TFPI: variants seen among roughly 807,000 people sequenced by gnomAD.
TFPI encodes the protein anti-convertin.
Under a neutral mutation model 34.6 loss-of-function variants are expected in TFPI, and 15 were observed. That is an observed-to-expected ratio of 0.43 (90% CI 0.29 to 0.67). The LOEUF is 0.67. Among genes scored for constraint, TFPI ranks in the 30% least tolerant of loss-of-function variants. The pLI is 0.15. For synonymous variants in TFPI, 105 were observed against 120.1 expected (o/e 0.87, Z 0.82); for missense variants, 301 against 364.0 (o/e 0.83, Z 1.41).
At chr2:187,518,959 C>T (rs540033910) in intron 1 of TFPI, 21 of 152,228 alleles carry the variant, frequency 1.4e-4, no homozygotes, top group African/African-American at 5.1e-4. Context: ...GTGTATGCTT[C>T]ACGAAGTTCT....
rs542864660 is a variant in TFPI at position 187,494,107 on chromosome 2, C to T, written c.319+2774G>A. ...AGAGAGAGCTTATGCAGAGAAACTC[C>T]TGTTTGTTAAAACCATAAGATCATG... On this transcript the variant is annotated intron_variant, in intron 3 of 7. Coordinates refer to ENST00000233156, the MANE Select transcript of TFPI (RefSeq NM_006287.6). 3.3e-5 allele frequency among the ~76,000 whole-genome samples: 5 copies of T among 152,240 alleles called. No individual in the cohort carries two copies. The East Asian group carries it at 9.7e-4, about 29-fold the overall frequency.
chr2:187,486,457 G>A (rs894039255), intron 4 of TFPI, among the ~76,000 whole-genome samples: 1 of 151,342 alleles, frequency 6.6e-6, no homozygotes, highest in Admixed American at 6.6e-5. Context: ...AATTATACAT[G>A]TACATAAATA....
intron 1 of TFPI, chr2:187,518,524 G>A (rs1277397834): frequency 6.6e-6 from 1 of 152,170 alleles, no homozygotes; most frequent in Admixed American, 6.5e-5. Context: ...AGTCTGATAG[G>A]CTTTGCTTTG....
At chr2:187,531,144 C>T (rs954244879) in intron 1 of TFPI, among the ~76,000 whole-genome samples, 2 of 152,144 alleles carry the variant, frequency 1.3e-5, no homozygotes, top group African/African-American at 4.8e-5. Flanking sequence ...GAGTCAATAC[C>T]TTTACAGACT....
rs1691702751 is a variant in TFPI, at chr2:187,465,938, C to A, written c.*998G>T. On this transcript the variant is annotated 3_prime_UTR_variant, in exon 8 of 8. Coordinates refer to ENST00000233156, the MANE Select transcript of TFPI (RefSeq NM_006287.6). ...CAGGTCTGGATATAGTGAATTAACT[C>A]CAGCAAAATATTAAATCCCCAAGAA... 1 of 152,016 alleles carries A rather than the reference C, an allele frequency of 6.6e-6. No individual in the cohort carries two copies. The highest frequency in any genetic ancestry group is 2.4e-5 in the African/African-American group (1 of 41,380). 9.4% of individuals were successfully genotyped at this position (152,016 alleles called of 1,614,324 possible).
intron 1 of TFPI, among the ~76,000 whole-genome samples, chr2:187,521,727 C>T (rs1046789378): frequency 6.6e-6 from 1 of 151,944 alleles, no homozygotes; most frequent in African/African-American, 2.4e-5. Context: ...TGCCACCATG[C>T]CTGGCTAATT....
At chr2:187,475,940 C>A (rs1358950198) in intron 6 of TFPI, among the ~76,000 whole-genome samples, 3 of 152,164 alleles carry the variant, frequency 2.0e-5, no homozygotes, top group Non-Finnish European at 4.4e-5. Context: ...TCCACAGTTA[C>A]AAACATGAAG....
chr2:187,470,764 A>G (rs1691985867), intron 6 of TFPI, among the ~76,000 whole-genome samples: 1 of 152,156 alleles, frequency 6.6e-6, no homozygotes, highest in Admixed American at 6.6e-5. Flanking sequence ...AACTTCACTA[A>G]ATTATCCAAG....
intron 6 of TFPI, among the ~76,000 whole-genome samples, chr2:187,468,206 G>A (rs1691824523): frequency 6.7e-6 from 1 of 149,694 alleles, no homozygotes; most frequent in Non-Finnish European, 1.5e-5. Flanking sequence ...CAAACTATTT[G>A]TACATAATAA....
intron 1 of TFPI, among the ~76,000 whole-genome samples, chr2:187,541,968 A>G (rs529455996): frequency 5.9e-5 from 9 of 152,180 alleles, no homozygotes; most frequent in Non-Finnish European, 1.3e-4. Context: ...GGATTTAATG[A>G]CAATGGCATC....
chr2:187,522,727 CAAAAAAA>C (rs145948076), intron 1 of TFPI, among the ~76,000 whole-genome samples: 1 of 111,722 alleles, frequency 9.0e-6, no homozygotes, highest in Non-Finnish European at 1.8e-5. Context: ...ACTAAAAATA[CAAAAAAA>C]AAAAAAAAAA....
Position 187,467,051 on chromosome 2 carries a change from G to C in TFPI, c.809-9C>G, listed in dbSNP as rs760348217. The stretch of plus-strand genomic sequence containing the variant: ...TATTCTTTGGATGAAACCTATAAGA[G>C]GAAGAGGAATAAATTAATGTGTGAT... On this transcript the variant is annotated splice_polypyrimidine_tract_variant and intron_variant, in intron 7 of 7. Coordinates refer to ENST00000233156, the MANE Select transcript of TFPI (RefSeq NM_006287.6). 7 of 1,481,194 alleles carry C rather than the reference G, an allele frequency of 4.7e-6. No homozygotes were observed. Among genetic ancestry groups the C allele is most frequent in the Non-Finnish European group, 6.5e-6 (7 of 1,081,544 alleles). 91.8% of individuals were successfully genotyped at this position (1,481,194 alleles called of 1,614,324 possible). A position where few individuals can be genotyped will look rare whatever the true frequency, so the allele number is the denominator to read the frequency against.
intron 4 of TFPI, among the ~76,000 whole-genome samples, chr2:187,485,847 C>CA (rs1693221761): frequency 2.0e-5 from 3 of 151,646 alleles, no homozygotes; most frequent in East Asian, 3.8e-4. Flanking sequence ...TCCAATTTCT[C>CA]AATTTTTTTC....
At chr2:187,521,663 G>T (rs937560628) in intron 1 of TFPI, among the ~76,000 whole-genome samples, 1 of 151,984 alleles carries the variant, frequency 6.6e-6, no homozygotes, top group African/African-American at 2.4e-5. Flanking sequence ...CCACCTCCCG[G>T]GTTCAAGTGA....
intron 2 of TFPI, among the ~76,000 whole-genome samples, chr2:187,500,131 C>G (rs1477198175): frequency 1.3e-5 from 2 of 152,042 alleles, no homozygotes; most frequent in African/African-American, 4.8e-5. Context: ...ATTTTGCCAG[C>G]AGGTGGTGGC....
rs76325269 is a variant in TFPI, at chr2:187,465,269, C to G, written c.*1667G>C. On this transcript the variant is annotated 3_prime_UTR_variant, in exon 8 of 8. Coordinates refer to ENST00000233156, the MANE Select transcript of TFPI (RefSeq NM_006287.6). ...CCTGTAATCCCAGCACTTTGGGAGG[C>G]TGGGGCTGGAAGATTGCTTGAGCCC... is the stretch of plus-strand genomic sequence containing the variant. 6.6e-6 allele frequency: 1 copy of G among 151,880 alleles called. No individual in the cohort carries two copies. The highest frequency in any genetic ancestry group is 2.4e-5 in the African/African-American group (1 of 41,314). 9.4% of individuals were successfully genotyped at this position (151,880 alleles called of 1,614,324 possible).
At chr2:187,513,616 C>G (rs1294602619) in intron 1 of TFPI, 3 of 152,604 alleles carry the variant, frequency 2.0e-5, no homozygotes, top group Non-Finnish European at 4.4e-5. Context: ...AGGAGCTTAC[C>G]TTGTGCTGCT....
At chr2:187,531,209 A>T (rs912212054) in intron 1 of TFPI, among the ~76,000 whole-genome samples, 2 of 152,188 alleles carry the variant, frequency 1.3e-5, no homozygotes, top group Admixed American at 6.5e-5. Flanking sequence ...ACAGAGGGCC[A>T]GTACTAGAGA....
chr2:187,523,128 C>T (rs1687496410), intron 1 of TFPI, among the ~76,000 whole-genome samples: 1 of 152,006 alleles, frequency 6.6e-6, no homozygotes, highest in East Asian at 1.9e-4. Context: ...TGAGTTTGTG[C>T]AGTTTTTAAA....
Sources: gnomAD v4.1 joint callset for allele counts (sites outside exome capture counted in the v4.1 genomes callset) on GRCh38, gnomAD v4.1.1 for gene constraint, MANE v1.5 for transcripts, NCBI Gene and HGNC (gene_info 2026-07-23, HGNC 2026-07-21) for gene names.